The following GDPD4 variants were observed in gnomAD, a reference collection of about 807,000 sequenced individuals.
GDPD4 encodes the protein glycerophosphodiester phosphodiesterase domain containing 4, also known as glycerophosphodiester phosphodiesterase 6.
Under a neutral mutation model 67.8 loss-of-function variants are expected in GDPD4, and 60 were observed. The observed-to-expected ratio is 0.88, with a 90% confidence interval of 0.72 to 1.10. GDPD4 has a LOEUF of 1.10. Among genes scored for constraint, GDPD4 ranks in the 50% least tolerant of loss-of-function variants. The pLI, the probability that GDPD4 is intolerant of heterozygous loss-of-function variation, is 0.00. For missense variants in GDPD4, 623 were observed against 613.9 expected, an observed-to-expected ratio of 1.01 and a Z score of -0.16; for synonymous variants, 212 against 210.9, an observed-to-expected ratio of 1.00 and a Z score of -0.04.
chr11:77,273,046 A>G (rs924674604), intron 5 of GDPD4, among the ~76,000 whole-genome samples: 9 of 152,174 alleles, frequency 5.9e-5, no homozygotes, highest in African/African-American at 2.2e-4. Flanking sequence ...TTTGTTTACA[A>G]TAAAACCAAC....
intron 11 of GDPD4, among the ~76,000 whole-genome samples, chr11:77,249,340 G>T (rs1958844887): frequency 6.6e-6 from 1 of 150,764 alleles, no homozygotes; most frequent in Admixed American, 6.6e-5. Flanking sequence ...CAGACAAATT[G>T]TTTTTCGAAG....
intron 1 of GDPD4, among the ~76,000 whole-genome samples, chr11:77,293,954 ACT>A (rs1460815831): frequency 1.3e-5 from 2 of 152,272 alleles, no homozygotes; most frequent in East Asian, 3.9e-4. Context: ...AAGAATAGAA[ACT>A]CTATTTGCAG....
At chr11:77,281,358 G>A (rs771957574) in intron 3 of GDPD4, among the ~76,000 whole-genome samples, 5 of 151,954 alleles carry the variant, frequency 3.3e-5, no homozygotes, top group Non-Finnish European at 7.4e-5. Context: ...AGATACCATC[G>A]ATGGTGGAGG....
chr11:77,262,304 G>A (rs941099335), intron 10 of GDPD4, among the ~76,000 whole-genome samples: 3 of 152,110 alleles, frequency 2.0e-5, no homozygotes, highest in African/African-American at 7.2e-5. Flanking sequence ...CCTGTCAGCA[G>A]GAAATCAGCC....
At chr11:77,225,381 G>A (rs1958309283) in intron 16 of GDPD4, among the ~76,000 whole-genome samples, 1 of 148,070 alleles carries the variant, frequency 6.8e-6, no homozygotes, top group African/African-American at 2.5e-5. Flanking sequence ...AGAAAGCAGT[G>A]GTGGAGCAGA....
intron 3 of GDPD4, among the ~76,000 whole-genome samples, 196 bp downstream of exon 3, chr11:77,284,889 A>G (rs568928492): frequency 6.6e-6 from 1 of 152,196 alleles, no homozygotes; most frequent in Non-Finnish European, 1.5e-5. Context: ...ACAGTGGAAG[A>G]AAGTACAATA....
At chr11:77,236,487 A>G (rs760067586) in intron 13 of GDPD4, among the ~76,000 whole-genome samples, 4 of 152,160 alleles carry the variant, frequency 2.6e-5, no homozygotes, top group Non-Finnish European at 4.4e-5. Flanking sequence ...AATTTTGTTT[A>G]TAAGAGATGC....
chr11:77,296,592 A>C (rs1026806059), intron 1 of GDPD4, among the ~76,000 whole-genome samples: 4 of 151,456 alleles, frequency 2.6e-5, no homozygotes, highest in African/African-American at 7.3e-5. Context: ...AAGTGCTGGG[A>C]TTACAGGTGT....
chr11:77,233,446 GAAAAA>G (rs34507126), intron 13 of GDPD4, among the ~76,000 whole-genome samples: 12 of 100,398 alleles, frequency 1.2e-4, no homozygotes, highest in African/African-American at 2.5e-4. Flanking sequence ...AAAACATATT[GAAAAA>G]AAAAAAAAAA....
Position 77,271,197 on chromosome 11 carries a change from G to T in GDPD4, c.333C>A (p.Val111=). Residue 111 remains valine (V), a synonymous_variant, in exon 7 of 17, where the codon GTC becomes GTA. Transcript: ENST00000315938. Reference sequence around the variant, plus strand: ...AAAGGATAACCATCACAGTTATGCTGACCAGGTGCACGTAGGGAGCAAAGA... The same window carrying T: ...AAAGGATAACCATCACAGTTATGCTTACCAGGTGCACGTAGGGAGCAAAGA... The part of the protein sequence containing the change: ...MQIFAPYVHL[V]SITVMVILFW... 2 of 1,612,932 alleles carry T rather than the reference G, an allele frequency of 1.2e-6. No homozygotes were observed. The highest frequency in any genetic ancestry group is 2.2e-5 in the South Asian group (2 of 90,656).
At chr11:77,284,526 C>T (rs1472528842) in intron 3 of GDPD4, among the ~76,000 whole-genome samples, 1 of 152,082 alleles carries the variant, frequency 6.6e-6, no homozygotes, top group African/African-American at 2.4e-5. Context: ...CCCCAAATAC[C>T]AAATAACAAG....
chr11:77,231,975 C>T (rs1167381750), intron 14 of GDPD4, among the ~76,000 whole-genome samples: 2 of 152,110 alleles, frequency 1.3e-5, no homozygotes, highest in African/African-American at 4.8e-5. Flanking sequence ...AGTTACTGGC[C>T]CTGTAAGACT....
intron 1 of GDPD4, among the ~76,000 whole-genome samples, chr11:77,297,266 G>A (rs759452154): frequency 2.0e-5 from 3 of 151,294 alleles, no homozygotes; most frequent in Non-Finnish European, 4.4e-5. Context: ...GATGCTCTGG[G>A]CCGGGCGCAG....
chr11:77,243,680 G>T lies in GDPD4; in HGVS notation c.1241+14C>A. On this transcript the variant is annotated intron_variant, in intron 13 of 16. Transcript: ENST00000315938. ...AGGCAATATGTGCCAAGAGAGGTGT[G>T]GTCAAACACTTACCTTAACCCATTA... 1 of 1,604,210 alleles carries T rather than the reference G, an allele frequency of 6.2e-7. No individual in the cohort carries two copies. Among genetic ancestry groups the T allele is most frequent in the South Asian group, 1.1e-5 (1 of 90,716 alleles).
At chr11:77,237,134 G>A (rs1958583873) in intron 13 of GDPD4, among the ~76,000 whole-genome samples, 1 of 152,176 alleles carries the variant, frequency 6.6e-6, no homozygotes, top group Non-Finnish European at 1.5e-5. Context: ...GATGTTTCAT[G>A]ACTCAACTGC....
chr11:77,300,245 G>A (rs1461804437), intron 1 of GDPD4, among the ~76,000 whole-genome samples: 1 of 152,108 alleles, frequency 6.6e-6, no homozygotes. Flanking sequence ...TTTAGCCTGT[G>A]CGGTCTAACA....
In GDPD4 at chr11:77,301,654, C is replaced by G. The variant is rs1470708016; in HGVS notation, c.-303G>C. 1 of 152,130 alleles carries G rather than the reference C, an allele frequency of 6.6e-6. No individual in the cohort carries two copies. The highest frequency in any genetic ancestry group is 1.5e-5 in the Non-Finnish European group (1 of 68,094). 9.4% of individuals were successfully genotyped at this position (152,130 alleles called of 1,614,324 possible). A position where few individuals can be genotyped will look rare whatever the true frequency, so the allele number is the denominator to read the frequency against. ...ATCCAATCTTCACGCCTGAGGAGAC[C>G]AGCGTCTCTTAAGATGGACGCCTGG... On this transcript the variant is annotated 5_prime_UTR_variant, in exon 1 of 17. Coordinates refer to ENST00000315938, the MANE Select transcript of GDPD4 (RefSeq NM_182833.3).
chr11:77,285,352 T>A (rs545938970), intron 2 of GDPD4, among the ~76,000 whole-genome samples, 165 bp from the exon 3 acceptor site: 1 of 152,216 alleles, frequency 6.6e-6, no homozygotes, highest in Non-Finnish European at 1.5e-5. Flanking sequence ...ATCCTGTATA[T>A]GCCTATTTAC....
chr11:77,223,647 G>T (rs1047423030), intron 16 of GDPD4, among the ~76,000 whole-genome samples: 1 of 152,156 alleles, frequency 6.6e-6, no homozygotes, highest in Non-Finnish European at 1.5e-5. Context: ...GATACACGGG[G>T]GTCAGGGACC....
Sources: allele counts gnomAD v4.1 joint callset (sites outside exome capture counted in the v4.1 genomes callset), GRCh38; gene constraint gnomAD v4.1.1; transcripts MANE v1.5; gene names NCBI Gene and HGNC (gene_info 2026-07-23, HGNC 2026-07-21).